Variants in CNTNAP2 observed in about 807,000 individuals in gnomAD.
CNTNAP2 encodes contactin associated protein 2.
CNTNAP2 carries 98 observed loss-of-function variants against 155.2 expected under a neutral mutation model. The ratio of observed to expected loss-of-function variants is 0.63; its 90% CI spans 0.54 to 0.75. The LOEUF is 0.75. Among genes scored for constraint, CNTNAP2 ranks in the 30% least tolerant of loss-of-function variants. The pLI is 0.00. For missense variants in CNTNAP2, 1,727 were observed against 1,688.1 expected, an observed-to-expected ratio of 1.02 and a Z score of -0.40; for synonymous variants, 651 against 631.2, an observed-to-expected ratio of 1.03 and a Z score of -0.47.
intron 1 of CNTNAP2, among the ~76,000 whole-genome samples, chr7:146,407,981 A>AT (rs1252090212): frequency 1.3e-5 from 2 of 152,164 alleles, no homozygotes; most frequent in Non-Finnish European, 2.9e-5. Flanking sequence ...CCTCATACTT[A>AT]TAAAATAAAA....
chr7:146,169,947 A>G (rs1419121727), intron 1 of CNTNAP2, among the ~76,000 whole-genome samples: 1 of 151,636 alleles, frequency 6.6e-6, no homozygotes, highest in Non-Finnish European at 1.5e-5. Flanking sequence ...TATCACTTCA[A>G]GATATTGATT....
chr7:146,469,696 A>G (rs1295973000), intron 1 of CNTNAP2, among the ~76,000 whole-genome samples: 1 of 151,376 alleles, frequency 6.6e-6, no homozygotes, highest in Non-Finnish European at 1.5e-5. Context: ...CTAATCATTT[A>G]TTTTTATTTT....
At chr7:147,810,874 C>T (rs74733675) in intron 13 of CNTNAP2, among the ~76,000 whole-genome samples, 4,111 of 152,212 alleles carry the variant, frequency 0.027, 96 homozygotes, top group Non-Finnish European at 0.044. Context: ...CAATGAAAAG[C>T]AAGAACCGGG....
At position 146,839,768 on chromosome 7, in the gene CNTNAP2, T is replaced by C; in HGVS notation, c.266T>C (p.Phe89Ser). Residue 89 changes from phenylalanine (F) to serine (S), a missense_variant, in exon 3 of 24, where the codon TTT becomes TCT. Phe to Ser is a radical substitution (Grantham distance 155). Coordinates refer to ENST00000361727, the MANE Select transcript of CNTNAP2 (RefSeq NM_014141.6). ...SDHYQWLQVD[F>S]GNRKQISAIA... ...CATTATCAATGGCTTCAGGTTGACT[T>C]TGGCAATCGGAAGCAGATCAGTGCC... 2 of 1,614,184 alleles carry C rather than the reference T, an allele frequency of 1.2e-6. No homozygotes were observed. Among genetic ancestry groups the C allele is most frequent in the South Asian group, 1.1e-5 (1 of 91,088 alleles).
intron 13 of CNTNAP2, among the ~76,000 whole-genome samples, chr7:147,859,460 T>G (rs1030293835): frequency 8.6e-5 from 13 of 150,824 alleles, no homozygotes; most frequent in African/African-American, 3.2e-4. Context: ...TTTTCTGCAG[T>G]GCAGCTAATA....
chr7:146,200,652 C>T lies in CNTNAP2; in HGVS notation c.97+83679C>T, dbSNP rs538591428. Among the ~76,000 whole-genome samples the T allele has an allele frequency of 2.0e-5, 3 of 152,136 alleles. No individual in the cohort carries two copies. The South Asian group carries it at 6.2e-4, about 32-fold the overall frequency. On this transcript the variant is annotated intron_variant, in intron 1 of 23. Transcript: ENST00000361727. ...ACAGTATCCAGGAGAGTAACATGTACCAATGTATAGCCTAGGAGAAATAGG... is the reference window on the plus strand; with the variant it reads ...ACAGTATCCAGGAGAGTAACATGTATCAATGTATAGCCTAGGAGAAATAGG...
intron 9 of CNTNAP2, among the ~76,000 whole-genome samples, chr7:147,320,724 G>T (rs930942739): frequency 3.3e-5 from 5 of 152,144 alleles, no homozygotes; most frequent in African/African-American, 9.7e-5. Context: ...TTAAAATCTT[G>T]CTAGGCAGGA....
chr7:148,416,792 CTT>C lies in CNTNAP2; in HGVS notation c.*1178_*1179del, dbSNP rs1409491064. The C allele has an allele frequency of 8.0e-6, 1 of 125,150 alleles. No individual in the cohort carries two copies. The highest frequency in any genetic ancestry group is 5.4e-5 in the African/African-American group (1 of 18,420). The allele number at this position is 125,150 out of a possible 1,614,324, so 7.8% of individuals were successfully genotyped here. A position where few individuals can be genotyped will look rare whatever the true frequency, so the allele number is the denominator to read the frequency against. ...AATCACACTGCTGTGATTCAGGGAT[CTT>C]TCTTCTAAGACGGACACATTTGAAC... On this transcript the variant is annotated 3_prime_UTR_variant, in exon 24 of 24. Coordinates refer to ENST00000361727, the MANE Select transcript of CNTNAP2 (RefSeq NM_014141.6).
At chr7:146,800,340 C>G (rs940510763) in intron 2 of CNTNAP2, among the ~76,000 whole-genome samples, 1 of 152,208 alleles carries the variant, frequency 6.6e-6, no homozygotes, top group African/African-American at 2.4e-5. Flanking sequence ...CCTGATGATT[C>G]TGGCACTGCG....
chr7:146,132,461 T>A (rs1008742293), intron 1 of CNTNAP2, among the ~76,000 whole-genome samples: 12 of 151,906 alleles, frequency 7.9e-5, no homozygotes, highest in African/African-American at 2.9e-4. Context: ...CATGTGCACA[T>A]TGTGCAGGTT....
At chr7:147,675,145 G>A (rs1795848393) in intron 13 of CNTNAP2, among the ~76,000 whole-genome samples, 1 of 151,972 alleles carries the variant, frequency 6.6e-6, no homozygotes, top group East Asian at 1.9e-4. Flanking sequence ...TATTCTGGTG[G>A]CTCCAGGCTT....
intron 16 of CNTNAP2, among the ~76,000 whole-genome samples, chr7:148,146,038 G>A (rs186627998): frequency 8.9e-4 from 136 of 152,304 alleles, no homozygotes; most frequent in Non-Finnish European, 1.5e-3. Flanking sequence ...CCAACACAGA[G>A]GCAGGGAACA....
Position 146,740,987 on chromosome 7 carries a change from G to A in CNTNAP2, c.98-33284G>A, listed in dbSNP as rs534439482. Among the ~76,000 whole-genome samples, 156 of 152,196 alleles carry A rather than the reference G, an allele frequency of 1.0e-3. 3 individuals carry two copies. The highest frequency in any genetic ancestry group is 3.4e-3 in the Middle Eastern group (1 of 294). ...AGGCTCAGTCTGCTGGTACTGGTTC[G>A]GAATATGGAGCTATGAGGGGTCTGC... is the stretch of plus-strand genomic sequence containing the variant. On this transcript the variant is annotated intron_variant, in intron 1 of 23. Coordinates refer to ENST00000361727, the MANE Select transcript of CNTNAP2 (RefSeq NM_014141.6).
intron 9 of CNTNAP2, among the ~76,000 whole-genome samples, chr7:147,318,679 G>A (rs1795283376): frequency 6.6e-6 from 1 of 151,984 alleles, no homozygotes; most frequent in Non-Finnish European, 1.5e-5. Flanking sequence ...TGGGGGGCAA[G>A]GGGAGGGAGA....
At chr7:146,952,690 A>G (rs1797345031) in intron 3 of CNTNAP2, among the ~76,000 whole-genome samples, 1 of 152,150 alleles carries the variant, frequency 6.6e-6, no homozygotes, top group Middle Eastern at 3.2e-3. Flanking sequence ...TGCTACACAG[A>G]AAATAAAATA....
At chr7:146,655,195 C>A (rs1163702421) in intron 1 of CNTNAP2, among the ~76,000 whole-genome samples, 4 of 151,578 alleles carry the variant, frequency 2.6e-5, no homozygotes, top group Non-Finnish European at 4.4e-5. Flanking sequence ...GGTGGATCAC[C>A]TGAGGTCAGG....
At chr7:146,535,969 T>G (rs1194101170) in intron 1 of CNTNAP2, among the ~76,000 whole-genome samples, 1 of 152,024 alleles carries the variant, frequency 6.6e-6, no homozygotes, top group African/African-American at 2.4e-5. Context: ...AAAGAGAAAA[T>G]ATATGAAAGG....
At chr7:146,958,769 A>G (rs1448560510) in intron 3 of CNTNAP2, among the ~76,000 whole-genome samples, 1 of 152,022 alleles carries the variant, frequency 6.6e-6, no homozygotes, top group Non-Finnish European at 1.5e-5. Flanking sequence ...TGTCATATAT[A>G]GCCTCAATAT....
At chr7:146,745,577 G>C (rs559442092) in intron 1 of CNTNAP2, among the ~76,000 whole-genome samples, 2 of 152,098 alleles carry the variant, frequency 1.3e-5, no homozygotes, top group African/African-American at 4.8e-5. Flanking sequence ...GACCATCCTG[G>C]CCAACATGAT....
Sources: allele counts gnomAD v4.1 joint callset (sites outside exome capture counted in the v4.1 genomes callset), GRCh38; gene constraint gnomAD v4.1.1; transcripts MANE v1.5; gene names NCBI Gene and HGNC (gene_info 2026-07-23, HGNC 2026-07-21).